Variants in BBC3 observed in about 807,000 individuals in gnomAD.
BBC3 encodes the protein bcl-2-binding component 3.
BBC3 carries 5 observed loss-of-function variants against 18.2 expected under a neutral mutation model. The observed-to-expected ratio is 0.27, with a 90% CI of 0.14 to 0.58. The LOEUF (loss-of-function observed/expected upper bound fraction) is 0.58. Among genes scored for constraint, BBC3 ranks in the 20% least tolerant of loss-of-function variants. BBC3 has a pLI of 0.91. For missense variants in BBC3, 224 were observed against 268.9 expected, an observed-to-expected ratio of 0.83 and a Z score of 1.17; for synonymous variants, 119 against 128.0, an observed-to-expected ratio of 0.93 and a Z score of 0.47.
At chr19:47,231,351 G>GC (rs984912972), upstream of BBC3, 128 of 330,692 alleles carry the variant, frequency 3.9e-4, no homozygotes, top group Middle Eastern at 1.5e-3. This position sits in a 1 kb window ranked among gnomAD's most constrained non-coding sequence, Gnocchi z 4.0. Flanking sequence ...CGCGCGCCGC[G>GC]CCCCCCCCTA....
Position 47,228,995 on chromosome 19 carries a change from T to TACACACACACACACAC in BBC3, c.-15-550_-15-549insGTGTGTGTGTGTGTGT, listed in dbSNP as rs529213576. On this transcript the variant is annotated intron_variant, in intron 1 of 3. Coordinates refer to ENST00000439096, the MANE Select transcript of BBC3 (RefSeq NM_014417.5). The surrounding 1 kb of genome is among the most constrained non-coding windows in gnomAD (Gnocchi z 5.5). ...GGACATCACTACTCAGTACACACAA[T>TACACACACACACACAC]ACACACACACCCCCGACCAAAGCAG... Among the ~76,000 whole-genome samples the TACACACACACACACAC allele has an allele frequency of 3.3e-5, 5 of 151,444 alleles. No individual in the cohort carries two copies. The highest frequency in any genetic ancestry group is 1.2e-4 in the African/African-American group (5 of 41,104).
Position 47,230,848 on chromosome 19 carries a change from T to G in BBC3, c.-16+81A>C, listed in dbSNP as rs939478474. On this transcript the variant is annotated intron_variant, in intron 1 of 3. Coordinates refer to ENST00000439096, the MANE Select transcript of BBC3 (RefSeq NM_014417.5). The surrounding 1 kb of genome is among the most constrained non-coding windows in gnomAD (Gnocchi z 6.7). ...CAGGGCGCCCACACTGCTCTCCGCC[T>G]GCACTCCTGTCACCTCCTCCAGGGA... is the stretch of plus-strand genomic sequence containing the variant. 5.1e-6 allele frequency: 5 copies of G among 983,556 alleles called. No homozygotes were observed. The African/African-American group carries it at 8.7e-5, about 17-fold the overall frequency. The allele number at this position is 983,556 out of a possible 1,614,324, so 60.9% of individuals were successfully genotyped here.
Position 47,221,507 on chromosome 19 carries a change from A to G in BBC3, c.*295T>C. 1 of 401,236 alleles carries G rather than the reference A, an allele frequency of 2.5e-6. No homozygotes were observed. The highest frequency in any genetic ancestry group is 4.3e-6 in the Non-Finnish European group (1 of 234,068). 24.9% of individuals were successfully genotyped at this position (401,236 alleles called of 1,614,324 possible). ...TTCCTGAGATGGTGGTGGGCGGCAG[A>G]GGCGGGCGGCTCAGTCCCCACCCCC... On this transcript the variant is annotated 3_prime_UTR_variant, in exon 4 of 4. Transcript: ENST00000439096.
intron 3 of BBC3, 106 bp downstream of exon 3, chr19:47,226,458 C>G: frequency 9.9e-7 from 1 of 1,008,068 alleles, no homozygotes; most frequent in African/African-American, 1.7e-5. Context: ...CGCGGAGCGA[C>G]CCAGCCGCGC....
At position 47,222,114 on chromosome 19, in the gene BBC3, C is replaced by T. The variant is rs548722122; in HGVS notation, c.466-196G>A. On this transcript the variant is annotated intron_variant, in intron 3 of 3. Transcript: ENST00000439096. ...ATGAGACCTGGAGGCAGAGGACAAA[C>T]ACGGAATGCCTTCAGCAGAGAGCTG... is the stretch of plus-strand genomic sequence containing the variant. The T allele has an allele frequency of 6.5e-5, 35 of 540,510 alleles. No individual in the cohort carries two copies. In the South Asian group the frequency reaches 9.3e-4, roughly 14 times the overall value. The allele number at this position is 540,510 out of a possible 1,614,324, so 33.5% of individuals were successfully genotyped here.
At chr19:47,222,054 G>T in intron 3 of BBC3, 136 bp from the exon 4 acceptor site, 1 of 760,622 alleles carries the variant, frequency 1.3e-6, no homozygotes, top group Non-Finnish European at 2.0e-6. Flanking sequence ...CTGGGCTAAT[G>T]TCCATGTCTC....
Position 47,221,779 on chromosome 19 carries a change from G to T in BBC3, c.*23C>A, listed in dbSNP as rs202031784. On this transcript the variant is annotated 3_prime_UTR_variant, in exon 4 of 4. Transcript: ENST00000439096. ...GGGGCCTGCCCCCCGAGTCCCTGAC[G>T]TCCACCGGGCGGGTGCAGGCACCTA... The T allele has an allele frequency of 3.7e-6, 6 of 1,608,424 alleles. No individual in the cohort carries two copies. Among genetic ancestry groups the T allele is most frequent in the Non-Finnish European group, 5.1e-6 (6 of 1,178,354 alleles).
chr19:47,226,389 T>G (rs1047237580), intron 3 of BBC3, among the ~76,000 whole-genome samples, 175 bp downstream of exon 3: 1 of 151,920 alleles, frequency 6.6e-6, no homozygotes, highest in Non-Finnish European at 1.5e-5. Flanking sequence ...CGCGGAGTCC[T>G]TGGGCGGCTC....
At chr19:47,226,878 G>A in intron 2 of BBC3, 124 bp from the exon 3 acceptor site, 2 of 876,886 alleles carry the variant, frequency 2.3e-6, no homozygotes, top group Non-Finnish European at 3.2e-6. Flanking sequence ...CATCGCTAGT[G>A]AGTCAATTTC....
upstream of BBC3, among the ~76,000 whole-genome samples, chr19:47,231,553 C>A (rs1001223373): frequency 2.0e-5 from 3 of 152,136 alleles, no homozygotes; most frequent in Non-Finnish European, 2.9e-5. This position sits in a 1 kb window ranked among gnomAD's most constrained non-coding sequence, Gnocchi z 4.0. Flanking sequence ...ACGGGCGTTC[C>A]AGGGTCCACA....
At position 47,221,891 on chromosome 19, in the gene BBC3, G is replaced by A; in HGVS notation, c.493C>T (p.Pro165Ser). The change falls in exon 4 of 4, where the codon CCC (proline) becomes TCC (serine). Residue 165 changes from proline to serine, a missense_variant. By Grantham distance (74) the Pro-to-Ser change is moderately conservative. Coordinates refer to ENST00000439096, the MANE Select transcript of BBC3 (RefSeq NM_014417.5). The stretch of plus-strand genomic sequence containing the variant: ...TTGTACAGGACCCTCCAGGGTGAGG[G>A]GCGGTGCCGCTGCTGCTCCTCTTGT... ...RRQEEQQRHR[P>S]SPWRVLYNLI... 6.2e-7 allele frequency: 1 copy of A among 1,609,670 alleles called. No individual in the cohort carries two copies.
At chr19:47,232,540 C>T (rs902764483), upstream of BBC3, 9 of 1,548,776 alleles carry the variant, frequency 5.8e-6, no homozygotes, top group Admixed American at 7.9e-5. Flanking sequence ...GGACCCACGT[C>T]GTGGAAGCAG....
intron 1 of BBC3, among the ~76,000 whole-genome samples, chr19:47,229,456 TCAC>T (rs940460536): frequency 1.3e-5 from 2 of 148,300 alleles, no homozygotes; most frequent in African/African-American, 5.0e-5. Flanking sequence ...TCAAACATCA[TCAC>T]CAACTGTCAG....
rs961364766 is a variant in BBC3, at chr19:47,228,674, G to A, written c.-15-228C>T. ...GGTGATGGGCACACAGGAGGGACAG[G>A]GGGCACAGGACGGCTCTCACAGCAA... On this transcript the variant is annotated intron_variant, in intron 1 of 3. Coordinates refer to ENST00000439096, the MANE Select transcript of BBC3 (RefSeq NM_014417.5). The surrounding 1 kb of genome is among the most constrained non-coding windows in gnomAD (Gnocchi z 5.5). 1.3e-5 allele frequency among the ~76,000 whole-genome samples: 2 copies of A among 151,876 alleles called. No homozygotes were observed. Among genetic ancestry groups the A allele is most frequent in the Non-Finnish European group, 2.9e-5 (2 of 67,942 alleles).
Position 47,228,377 on chromosome 19 carries a change from G to C in BBC3, c.55C>G (p.Arg19Gly). 8.1e-7 allele frequency: 1 copy of C among 1,231,358 alleles called. No individual in the cohort carries two copies. The highest frequency in any genetic ancestry group is 1.0e-6 in the Non-Finnish European group (1 of 987,786). 76.3% of individuals were successfully genotyped at this position (1,231,358 alleles called of 1,614,324 possible). A position where few individuals can be genotyped will look rare whatever the true frequency, so the allele number is the denominator to read the frequency against. Reference sequence around the variant, plus strand: ...AGCGGGAAGGGGCGCGGGCCGTCGCGGGCCAGGCCCTCTACGGGCTCCGGG... The same window carrying C: ...AGCGGGAAGGGGCGCGGGCCGTCGCCGGCCAGGCCCTCTACGGGCTCCGGG... ...SSPEPVEGLA[R>G]DGPRPFPLGR... Residue 19 changes from arginine (R) to glycine (G), a missense_variant, in exon 2 of 4, where the codon CGC (arginine) becomes GGC (glycine). Transcript: ENST00000439096. This position sits in a 1 kb window ranked among gnomAD's most constrained non-coding sequence, Gnocchi z 5.5.
Position 47,231,084 on chromosome 19 carries a change from GGCT to G in BBC3, c.-174_-172del. On this transcript the variant is annotated 5_prime_UTR_variant, in exon 1 of 4. Transcript: ENST00000439096. This position sits in a 1 kb window ranked among gnomAD's most constrained non-coding sequence, Gnocchi z 4.0. ...CTGCAGTGGCGGCTGCTGTGGCTGT[GGCT>G]GCTGCTGCTCCCCGGGCCGCAGGCG... 2.1e-6 allele frequency: 2 copies of G among 966,860 alleles called. No individual in the cohort carries two copies. Among genetic ancestry groups the G allele is most frequent in the Non-Finnish European group, 2.5e-6 (2 of 812,314 alleles). 59.9% of individuals were successfully genotyped at this position (966,860 alleles called of 1,614,324 possible).
chr19:47,231,358 C>A (rs546634399), upstream of BBC3: 27 of 290,452 alleles, frequency 9.3e-5, 1 homozygote, highest in East Asian at 1.0e-3. This position sits in a 1 kb window ranked among gnomAD's most constrained non-coding sequence, Gnocchi z 4.0. Context: ...CGCGCCCCCC[C>A]CTACCTCCGC....
intron 3 of BBC3, among the ~76,000 whole-genome samples, chr19:47,225,130 C>T (rs373287901): frequency 7.9e-5 from 12 of 151,992 alleles, no homozygotes; most frequent in African/African-American, 2.9e-4. Flanking sequence ...AGGCTTGTCT[C>T]GAACTCCCGA....
chr19:47,231,449 T>TG (rs1409629054), upstream of BBC3, among the ~76,000 whole-genome samples: 2 of 151,668 alleles, frequency 1.3e-5, no homozygotes, highest in Non-Finnish European at 2.9e-5. This position sits in a 1 kb window ranked among gnomAD's most constrained non-coding sequence, Gnocchi z 4.0. Flanking sequence ...CGGCGGGGTG[T>TG]GGGGAGATCG....
Sources: gnomAD v4.1 joint callset for allele counts (sites outside exome capture counted in the v4.1 genomes callset) on GRCh38, gnomAD v4.1.1 for gene constraint, Gnocchi (gnomAD v3.1) non-coding constraint, MANE v1.5 for transcripts, NCBI Gene and HGNC (gene_info 2026-07-23, HGNC 2026-07-21) for gene names.